OSBPL8: variants seen among roughly 807,000 people sequenced by gnomAD.
OSBPL8 encodes the protein oxysterol-binding protein-related protein 8.
A neutral mutation model predicts 125.5 loss-of-function variants in OSBPL8; 59 were observed. The observed-to-expected ratio is 0.47, with a 90% CI of 0.38 to 0.58. The LOEUF (loss-of-function observed/expected upper bound fraction) is 0.58, where lower values mean the gene tolerates loss of function less well. OSBPL8 is among the 20% of genes least tolerant of loss of function. OSBPL8 has a pLI of 0.00. For synonymous variants in OSBPL8, 330 were observed against 338.9 expected, an observed-to-expected ratio of 0.97 and a Z score of 0.29; for missense variants, 758 against 1,047.8, an observed-to-expected ratio of 0.72 and a Z score of 3.82.
chr12:76,474,508 G>A (rs1375409396), intron 2 of OSBPL8, among the ~76,000 whole-genome samples: 1 of 152,116 alleles, frequency 6.6e-6, no homozygotes, highest in Non-Finnish European at 1.5e-5. Context: ...GGGAGGCAGA[G>A]TCTCACTCTG....
chr12:76,441,244 T>C (rs1254101616), intron 4 of OSBPL8, among the ~76,000 whole-genome samples: 1 of 152,140 alleles, frequency 6.6e-6, no homozygotes, highest in African/African-American at 2.4e-5. Context: ...CCCCAGGGGA[T>C]ATTGGGCCAT....
chr12:76,520,592 A>G, intron 1 of OSBPL8, among the ~76,000 whole-genome samples: 1 of 152,184 alleles, frequency 6.6e-6, no homozygotes, highest in African/African-American at 2.4e-5. Context: ...AGCCAAACAA[A>G]GTATGGCAAG....
At chr12:76,496,047 T>C (rs1879230127) in intron 1 of OSBPL8, among the ~76,000 whole-genome samples, 2 of 152,214 alleles carry the variant, frequency 1.3e-5, no homozygotes, top group Admixed American at 1.3e-4. Context: ...TCTACCAATT[T>C]ACCATCTTTG....
intron 2 of OSBPL8, among the ~76,000 whole-genome samples, chr12:76,465,816 G>A (rs555806903): frequency 6.2e-4 from 94 of 152,084 alleles, no homozygotes; most frequent in African/African-American, 2.1e-3. Context: ...GACCAGCCTG[G>A]CCAACATGGT....
chr12:76,415,108 C>G (rs962302541), intron 4 of OSBPL8, among the ~76,000 whole-genome samples: 4 of 152,168 alleles, frequency 2.6e-5, no homozygotes, highest in Non-Finnish European at 4.4e-5. Flanking sequence ...TACTAGTGTT[C>G]TTCTCACTCT....
At chr12:76,466,357 T>A (rs924698207) in intron 2 of OSBPL8, among the ~76,000 whole-genome samples, 2 of 152,216 alleles carry the variant, frequency 1.3e-5, no homozygotes, top group African/African-American at 4.8e-5. Flanking sequence ...TATGATTAAG[T>A]ATAGTGGGAA....
At chr12:76,549,029 T>C (rs1365591438) in intron 1 of OSBPL8, among the ~76,000 whole-genome samples, 12 of 151,264 alleles carry the variant, frequency 7.9e-5, no homozygotes, top group Non-Finnish European at 1.5e-5. Context: ...AGTGTAAAAA[T>C]GGTGGGAAAA....
rs118073090 is a variant in OSBPL8 at position 76,374,531 on chromosome 12, C to T, written c.1827+742G>A. ...ACTGGGGCACTTGCACTTTGAAACC[C>T]TCAACTGCCAAGTAAGAAGTCTACT... On this transcript the variant is annotated intron_variant, in intron 17 of 23. Transcript: ENST00000261183. Among the ~76,000 whole-genome samples, 702 of 152,238 alleles carry T rather than the reference C, an allele frequency of 4.6e-3. 11 individuals are homozygous for T. The highest frequency in any genetic ancestry group is 0.045 in the East Asian group (233 of 5,168).
Position 76,410,567 on chromosome 12 carries a change from GCT to G in OSBPL8, c.283_284del (p.Ser95GlnfsTer3). On this transcript the variant is annotated frameshift_variant, in exon 5 of 24. Coordinates refer to ENST00000261183, the MANE Select transcript of OSBPL8 (RefSeq NM_020841.5). LOFTEE classifies it high-confidence loss of function. ...KDESSLSMSK[S>X]KSESKLYNGS... ...GTATTTGCTTATATATGCTTACCTT[GCT>G]CTTTGACATAGAAAGTGAAGATTCA... 6.3e-7 allele frequency: 1 copy of G among 1,595,466 alleles called. No homozygotes were observed. The highest frequency in any genetic ancestry group is 8.6e-7 in the Non-Finnish European group (1 of 1,165,034).
At chr12:76,523,730 C>A (rs150866275) in intron 1 of OSBPL8, among the ~76,000 whole-genome samples, 169 of 152,294 alleles carry the variant, frequency 1.1e-3, no homozygotes, top group African/African-American at 3.9e-3. Flanking sequence ...ATGCTGGCAC[C>A]CTGCTCTCAG....
At chr12:76,368,440 C>T (rs905144333) in intron 21 of OSBPL8, among the ~76,000 whole-genome samples, 4 of 147,394 alleles carry the variant, frequency 2.7e-5, no homozygotes, top group African/African-American at 5.0e-5. Context: ...TATCTTCCAC[C>T]AAATTTGGGG....
intron 1 of OSBPL8, among the ~76,000 whole-genome samples, chr12:76,538,474 C>T (rs1950556441): frequency 6.6e-6 from 1 of 152,064 alleles, no homozygotes; most frequent in Non-Finnish European, 1.5e-5. Context: ...GAATGTGACA[C>T]AGCTATAGAT....
At chr12:76,383,392 T>TA (rs35666950) in intron 15 of OSBPL8, among the ~76,000 whole-genome samples, 11 of 144,340 alleles carry the variant, frequency 7.6e-5, no homozygotes, top group East Asian at 2.0e-4. Flanking sequence ...AAAACAAGGT[T>TA]AAAAAAAAAA....
rs377279562 is a variant in OSBPL8 at position 76,384,372 on chromosome 12, T to G, written c.1534-22A>C. The G allele has an allele frequency of 9.9e-5, 123 of 1,237,374 alleles. No homozygotes were observed. In the African/African-American group the frequency reaches 1.6e-3, roughly 16 times the overall value. 76.6% of individuals were successfully genotyped at this position (1,237,374 alleles called of 1,614,324 possible). A position where few individuals can be genotyped will look rare whatever the true frequency, so the allele number is the denominator to read the frequency against. On this transcript the variant is annotated intron_variant, in intron 14 of 23. Coordinates refer to ENST00000261183, the MANE Select transcript of OSBPL8 (RefSeq NM_020841.5). Reference sequence around the variant, plus strand: ...ACACCTATTAAACATAAGAAAAACATGCATATATAAAATATAAAAACATGT... The same window carrying G: ...ACACCTATTAAACATAAGAAAAACAGGCATATATAAAATATAAAAACATGT...
intron 4 of OSBPL8, among the ~76,000 whole-genome samples, chr12:76,429,580 C>G (rs1870568869): frequency 6.6e-6 from 1 of 152,040 alleles, no homozygotes; most frequent in South Asian, 2.1e-4. Flanking sequence ...TAGTACTTAT[C>G]CATGTAACCA....
intron 5 of OSBPL8, among the ~76,000 whole-genome samples, chr12:76,405,263 G>A (rs920359351): frequency 5.9e-5 from 9 of 151,960 alleles, no homozygotes; most frequent in African/African-American, 1.7e-4. Flanking sequence ...GTTCAAAACC[G>A]GCCTGGGCAA....
intron 4 of OSBPL8, among the ~76,000 whole-genome samples, chr12:76,439,588 T>TC (rs1395372667): frequency 1.4e-5 from 2 of 144,688 alleles, no homozygotes; most frequent in Non-Finnish European, 3.2e-5. Flanking sequence ...ACCTTTTTTT[T>TC]TCCCTAAAGG....
intron 4 of OSBPL8, among the ~76,000 whole-genome samples, chr12:76,439,474 C>T (rs992645067): frequency 6.6e-6 from 1 of 151,948 alleles, no homozygotes; most frequent in South Asian, 2.1e-4. Flanking sequence ...TTGTAAAACA[C>T]CATCAATTTA....
At chr12:76,482,801 A>G (rs1321265346) in intron 2 of OSBPL8, among the ~76,000 whole-genome samples, 3 of 152,216 alleles carry the variant, frequency 2.0e-5, no homozygotes, top group African/African-American at 7.2e-5. Flanking sequence ...ATAGTTTTAG[A>G]CATATATTAA....
Sources: allele counts gnomAD v4.1 joint callset (sites outside exome capture counted in the v4.1 genomes callset), GRCh38; gene constraint gnomAD v4.1.1; transcripts MANE v1.5; gene names NCBI Gene and HGNC (gene_info 2026-07-23, HGNC 2026-07-21).